The following FSTL5 variants were observed in gnomAD, a reference collection of about 807,000 sequenced individuals.
The protein encoded by FSTL5 is follistatin like 5.
A neutral mutation model predicts 89.1 loss-of-function variants in FSTL5; 62 were observed. The observed-to-expected ratio is 0.70, with a 90% CI of 0.57 to 0.86. FSTL5 has a LOEUF of 0.86. FSTL5 is among the 40% of genes least tolerant of loss of function. The pLI, the probability that FSTL5 is intolerant of heterozygous loss-of-function variation, is 0.00. For synonymous variants in FSTL5, 383 were observed against 346.2 expected (o/e 1.11, Z -1.18); for missense variants, 1,057 against 1,001.6 (o/e 1.06, Z -0.75).
chr4:162,007,105 T>G (rs1736636341), intron 3 of FSTL5, among the ~76,000 whole-genome samples: 1 of 151,850 alleles, frequency 6.6e-6, no homozygotes, highest in Non-Finnish European at 1.5e-5. Flanking sequence ...AATTCATCAG[T>G]GGTTGATAAA....
intron 3 of FSTL5, among the ~76,000 whole-genome samples, chr4:161,934,435 CTTTCAAATAG>C: frequency 6.6e-6 from 1 of 151,996 alleles, no homozygotes; most frequent in South Asian, 2.1e-4. Flanking sequence ...AGCAACTGGC[CTTTCAAATAG>C]TTTATCAAAA....
At chr4:161,447,264 C>G (rs886582346) in intron 15 of FSTL5, among the ~76,000 whole-genome samples, 21 of 152,052 alleles carry the variant, frequency 1.4e-4, no homozygotes, top group East Asian at 7.7e-4. Flanking sequence ...TAGAGTCTAC[C>G]AATAATACCT....
At chr4:161,958,415 T>C (rs568444549) in intron 3 of FSTL5, among the ~76,000 whole-genome samples, 1 of 152,284 alleles carries the variant, frequency 6.6e-6, no homozygotes, top group Non-Finnish European at 1.5e-5. Context: ...TTGAAAGTTT[T>C]ACTTTCTTAG....
chr4:161,658,954 G>A (rs1351455285), intron 6 of FSTL5, among the ~76,000 whole-genome samples: 8 of 152,128 alleles, frequency 5.3e-5, no homozygotes, highest in Admixed American at 3.9e-4. Context: ...TAACCCTTCC[G>A]CATCTGTTAT....
intron 3 of FSTL5, among the ~76,000 whole-genome samples, chr4:161,982,678 T>C (rs1038709745): frequency 7.2e-5 from 11 of 152,202 alleles, no homozygotes; most frequent in African/African-American, 1.9e-4. Flanking sequence ...CATATGTACA[T>C]TCAAGTATGG....
intron 7 of FSTL5, among the ~76,000 whole-genome samples, chr4:161,588,916 C>T (rs569995717): frequency 8.6e-5 from 13 of 151,688 alleles, no homozygotes; most frequent in Non-Finnish European, 1.6e-4. Context: ...TCCTCGAGAA[C>T]ATACATTTTC....
intron 6 of FSTL5, among the ~76,000 whole-genome samples, chr4:161,752,479 A>G (rs1408143671): frequency 6.6e-6 from 1 of 152,102 alleles, no homozygotes; most frequent in East Asian, 1.9e-4. Context: ...CTTACATCCA[A>G]CCTCTCAATC....
Position 161,456,948 on chromosome 4 carries a change from G to C in FSTL5, c.1717-1820C>G, listed in dbSNP as rs574971479. Among the ~76,000 whole-genome samples, 3 of 152,298 alleles carry C rather than the reference G, an allele frequency of 2.0e-5. No homozygotes were observed. In the East Asian group the frequency reaches 5.8e-4, roughly 29 times the overall value. ...GTAATGATGATTATCTCTCCAGACA[G>C]AGGATAGGCTGATATGCTAGCAGCC... is the stretch of plus-strand genomic sequence containing the variant. On this transcript the variant is annotated intron_variant, in intron 14 of 15. Coordinates refer to ENST00000306100, the MANE Select transcript of FSTL5 (RefSeq NM_020116.5).
intron 2 of FSTL5, among the ~76,000 whole-genome samples, chr4:162,087,099 C>T (rs752170797): frequency 3.3e-5 from 5 of 151,916 alleles, no homozygotes; most frequent in Non-Finnish European, 5.9e-5. Flanking sequence ...AGAGAGATGC[C>T]AGAACTCTTC....
At chr4:161,566,720 T>C (rs1732828706) in intron 8 of FSTL5, among the ~76,000 whole-genome samples, 2 of 152,048 alleles carry the variant, frequency 1.3e-5, no homozygotes, top group South Asian at 4.1e-4. Context: ...GACTAACATA[T>C]TTTCGTATCT....
At chr4:161,393,866 T>A (rs1730908501) in intron 15 of FSTL5, among the ~76,000 whole-genome samples, 1 of 152,144 alleles carries the variant, frequency 6.6e-6, no homozygotes, top group African/African-American at 2.4e-5. Flanking sequence ...AGTACTCTGG[T>A]CCCACTCCTT....
At chr4:162,091,425 C>A (rs1730545284) in intron 2 of FSTL5, among the ~76,000 whole-genome samples, 1 of 152,106 alleles carries the variant, frequency 6.6e-6, no homozygotes, top group Non-Finnish European at 1.5e-5. Context: ...AATATATTCT[C>A]TCTTAGTTAG....
intron 8 of FSTL5, among the ~76,000 whole-genome samples, chr4:161,575,489 C>T (rs986909637): frequency 2.0e-5 from 3 of 151,848 alleles, no homozygotes; most frequent in African/African-American, 7.3e-5. Context: ...GAGTCTCACT[C>T]TGTTGCCCAG....
At chr4:161,981,916 A>ACTT (rs1287659817) in intron 3 of FSTL5, among the ~76,000 whole-genome samples, 1 of 152,234 alleles carries the variant, frequency 6.6e-6, no homozygotes, top group Non-Finnish European at 1.5e-5. Context: ...TATAAAAATA[A>ACTT]CTTTAGTTAC....
intron 3 of FSTL5, among the ~76,000 whole-genome samples, chr4:161,932,726 C>T (rs1276335142): frequency 4.6e-5 from 7 of 151,746 alleles, no homozygotes; most frequent in Non-Finnish European, 8.8e-5. Context: ...CAAGTTGTTC[C>T]ATATTTATGT....
At position 161,990,429 on chromosome 4, in the gene FSTL5, C is replaced by T. The variant is rs186346837; in HGVS notation, c.160+43196G>A. Among the ~76,000 whole-genome samples, 386 of 152,062 alleles carry T rather than the reference C, an allele frequency of 2.5e-3. 2 individuals are homozygous for T. Among genetic ancestry groups the T allele is most frequent in the Non-Finnish European group, 2.2e-3 (152 of 67,946 alleles). ...ATAAAAAGTTAAAAGATATTTAAAG[C>T]ATTTTAAATATGAATAAATTATTAA... On this transcript the variant is annotated intron_variant, in intron 3 of 15. Coordinates refer to ENST00000306100, the MANE Select transcript of FSTL5 (RefSeq NM_020116.5).
chr4:161,919,134 A>C (rs1332853984), intron 4 of FSTL5, among the ~76,000 whole-genome samples: 1 of 152,180 alleles, frequency 6.6e-6, no homozygotes, highest in Non-Finnish European at 1.5e-5. Flanking sequence ...AATGACAGAA[A>C]AAAATTCCCT....
At position 161,865,563 on chromosome 4, in the gene FSTL5, A is replaced by G. The variant is rs567559153; in HGVS notation, c.409+54841T>C. Among the ~76,000 whole-genome samples, 33 of 152,176 alleles carry G rather than the reference A, an allele frequency of 2.2e-4. 1 individual carries two copies. Among genetic ancestry groups the G allele is most frequent in the Non-Finnish European group, 5.9e-5 (4 of 68,012 alleles). ...TATAATACACCGGGATGTCAGAAAAATCATGATAAGACATAGAAGCAGTGA... is the reference window on the plus strand; with the variant it reads ...TATAATACACCGGGATGTCAGAAAAGTCATGATAAGACATAGAAGCAGTGA... On this transcript the variant is annotated intron_variant, in intron 4 of 15. Coordinates refer to ENST00000306100, the MANE Select transcript of FSTL5 (RefSeq NM_020116.5).
intron 10 of FSTL5, among the ~76,000 whole-genome samples, chr4:161,532,657 T>C (rs1731456326): frequency 6.6e-6 from 1 of 152,074 alleles, no homozygotes; most frequent in Non-Finnish European, 1.5e-5. Context: ...ACTTCAACAC[T>C]CCACTGACAA....
Sources: gnomAD v4.1 joint callset for allele counts (sites outside exome capture counted in the v4.1 genomes callset) on GRCh38, gnomAD v4.1.1 for gene constraint, MANE v1.5 for transcripts, NCBI Gene and HGNC (gene_info 2026-07-23, HGNC 2026-07-21) for gene names.